The following GLIS1 variants were observed in gnomAD, a reference collection of about 807,000 sequenced individuals.
GLIS1 encodes the protein zinc finger protein GLIS1.
A neutral mutation model predicts 63.8 loss-of-function variants in GLIS1; 24 were observed. The ratio of observed to expected loss-of-function variants is 0.38; its 90% confidence interval spans 0.27 to 0.53. The LOEUF (loss-of-function observed/expected upper bound fraction) is 0.53, where lower values mean the gene tolerates loss of function less well. Ranked by LOEUF, GLIS1 falls within the 20% of genes least tolerant of loss-of-function variation. GLIS1 has a pLI of 0.85. For missense variants in GLIS1, 1,036 were observed against 1,074.1 expected, an observed-to-expected ratio of 0.96 and a Z score of 0.50; for synonymous variants, 450 against 482.5, an observed-to-expected ratio of 0.93 and a Z score of 0.88.
chr1:53,612,731 GCA>G (rs751042757), intron 2 of GLIS1, among the ~76,000 whole-genome samples: 44 of 152,160 alleles, frequency 2.9e-4, no homozygotes, highest in Non-Finnish European at 5.0e-4. Context: ...GGAAGAAGAG[GCA>G]CAGTGTCATA....
At chr1:53,727,181 C>T (rs561106559) in intron 2 of GLIS1, among the ~76,000 whole-genome samples, 14 of 152,256 alleles carry the variant, frequency 9.2e-5, no homozygotes, top group Non-Finnish European at 2.1e-4. Context: ...GGATAAGTAA[C>T]ATGACCTCTC....
chr1:53,507,021 A>G (rs771631270), intron 10 of GLIS1, among the ~76,000 whole-genome samples: 1 of 152,088 alleles, frequency 6.6e-6, no homozygotes, highest in Non-Finnish European at 1.5e-5. Flanking sequence ...GGAGACAGGC[A>G]CGGGGTTGAC....
chr1:53,703,084 A>G (rs765497941), intron 2 of GLIS1, among the ~76,000 whole-genome samples: 3 of 152,208 alleles, frequency 2.0e-5, no homozygotes, highest in Non-Finnish European at 4.4e-5. Context: ...AGCCTCTGCT[A>G]CATTAAATGT....
At chr1:53,599,410 C>A (rs766817451) in intron 3 of GLIS1, among the ~76,000 whole-genome samples, 1 of 152,184 alleles carries the variant, frequency 6.6e-6, no homozygotes, top group East Asian at 1.9e-4. Flanking sequence ...TAATGCCCTG[C>A]GCCACCTCGG....
chr1:53,594,808 G>A lies in GLIS1; in HGVS notation c.620C>T (p.Ala207Val), dbSNP rs1413626029. The A allele has an allele frequency of 5.0e-6, 8 of 1,606,964 alleles. No individual in the cohort carries two copies. In the South Asian group the frequency reaches 7.8e-5, roughly 16 times the overall value. Residue 207 changes from alanine (A) to valine (V), a missense_variant, in exon 4 of 11, where the codon GCC becomes GTC. Ala to Val is a moderately conservative substitution (Grantham distance 64). Transcript: ENST00000628545. ...PDLDLPGRSL[A>V]TPAPSCYLLG... ...AAGGTAGCAGGAAGGCGCAGGGGTG[G>A]CGAGGCTTCGGCCCGGGAGGTCCAG...
chr1:53,674,336 AC>A (rs1646188915), intron 2 of GLIS1, among the ~76,000 whole-genome samples: 1 of 152,058 alleles, frequency 6.6e-6, no homozygotes, highest in African/African-American at 2.4e-5. Flanking sequence ...CCAAATTCTC[AC>A]CCCAACCTAT....
intron 2 of GLIS1, among the ~76,000 whole-genome samples, chr1:53,626,807 C>T (rs78413629): frequency 0.019 from 2,930 of 152,380 alleles, 92 homozygotes; most frequent in African/African-American, 0.067. Flanking sequence ...CATCATCTGG[C>T]TCCCGTGCCT....
intron 8 of GLIS1, 57 bp from the exon 9 acceptor site, chr1:53,510,084 G>C: frequency 9.4e-7 from 1 of 1,061,024 alleles, no homozygotes. Flanking sequence ...GGGGGCCAGA[G>C]GCAGGGCTGC....
chr1:53,606,380 C>T (rs138446723), intron 2 of GLIS1, among the ~76,000 whole-genome samples: 166 of 152,282 alleles, frequency 1.1e-3, no homozygotes, highest in African/African-American at 3.8e-3. Flanking sequence ...GCCCTCTGTG[C>T]CCCAGGAGTG....
intron 4 of GLIS1, among the ~76,000 whole-genome samples, chr1:53,550,039 T>C (rs904413260): frequency 1.1e-4 from 16 of 152,236 alleles, no homozygotes; most frequent in African/African-American, 3.9e-4. Flanking sequence ...AATGGGGACA[T>C]GACTCCCTGA....
intron 2 of GLIS1, chr1:53,734,115 T>C (rs1390939313): frequency 2.0e-6 from 2 of 984,710 alleles, no homozygotes; most frequent in Non-Finnish European, 2.4e-6. Flanking sequence ...TTTACAGCCA[T>C]GATGGCTGTT....
rs546146700 is a variant in GLIS1, at chr1:53,539,749, G to A, written c.1321-9797C>T. ...CTGCCCCACGCATAGCACAGCACAC[G>A]TGGAAACTGGCCACCTGGAACATGG... On this transcript the variant is annotated intron_variant, in intron 4 of 10. Coordinates refer to ENST00000628545, the MANE Select transcript of GLIS1 (RefSeq NM_001367484.1). The surrounding 1 kb of genome is among the most constrained non-coding windows in gnomAD (Gnocchi z 5.0). Among the ~76,000 whole-genome samples the A allele has an allele frequency of 7.2e-5, 11 of 152,184 alleles. No homozygotes were observed. Among genetic ancestry groups the A allele is most frequent in the African/African-American group, 4.8e-5 (2 of 41,512 alleles).
chr1:53,596,899 G>T (rs908015134), intron 3 of GLIS1, among the ~76,000 whole-genome samples: 3 of 152,134 alleles, frequency 2.0e-5, no homozygotes, highest in African/African-American at 7.2e-5. Flanking sequence ...TGGAAAGTCA[G>T]TGATTTCACT....
intron 4 of GLIS1, among the ~76,000 whole-genome samples, chr1:53,570,562 T>A (rs1006415471): frequency 2.0e-5 from 3 of 152,092 alleles, no homozygotes; most frequent in Non-Finnish European, 4.4e-5. Flanking sequence ...AAACTTTTTA[T>A]GAAACTATGG....
At chr1:53,530,017 A>T (rs1644513390) in intron 4 of GLIS1, 65 bp from the exon 5 acceptor site, 1 of 1,511,190 alleles carries the variant, frequency 6.6e-7, no homozygotes. Flanking sequence ...CATGGAAACT[A>T]ACCCCCCAGG....
At chr1:53,664,855 C>T (rs1300301060) in intron 2 of GLIS1, among the ~76,000 whole-genome samples, 2 of 151,896 alleles carry the variant, frequency 1.3e-5, no homozygotes, top group African/African-American at 2.4e-5. Context: ...TCTTGGGGGA[C>T]AGTATTCCAG....
intron 2 of GLIS1, among the ~76,000 whole-genome samples, chr1:53,716,633 C>T (rs1166306841): frequency 6.6e-6 from 1 of 152,026 alleles, no homozygotes; most frequent in African/African-American, 2.4e-5. Context: ...AGTGCTTTTG[C>T]AACCTAAAAA....
At chr1:53,591,094 G>A (rs142071438) in intron 4 of GLIS1, among the ~76,000 whole-genome samples, 76 of 152,332 alleles carry the variant, frequency 5.0e-4, no homozygotes, top group Non-Finnish European at 9.1e-4. Context: ...CAATCAAAAT[G>A]TCTCATCTAT....
At chr1:53,687,271 T>C (rs1646347573) in intron 2 of GLIS1, among the ~76,000 whole-genome samples, 1 of 152,160 alleles carries the variant, frequency 6.6e-6, no homozygotes, top group Non-Finnish European at 1.5e-5. Context: ...AGGCCCTTCA[T>C]ACCCTGCAAG....
Sources: gnomAD v4.1 joint callset for allele counts (sites outside exome capture counted in the v4.1 genomes callset) on GRCh38, gnomAD v4.1.1 for gene constraint, Gnocchi (gnomAD v3.1) non-coding constraint, MANE v1.5 for transcripts, NCBI Gene and HGNC (gene_info 2026-07-23, HGNC 2026-07-21) for gene names.